CSMD1: variants seen among roughly 807,000 people sequenced by gnomAD.
CSMD1 encodes CUB and sushi domain-containing protein 1.
Under a neutral mutation model 417.5 loss-of-function variants are expected in CSMD1, and 213 were observed. The ratio of observed to expected loss-of-function variants is 0.51; its 90% confidence interval spans 0.46 to 0.57. The LOEUF (loss-of-function observed/expected upper bound fraction) is 0.57, where lower values mean the gene tolerates loss of function less well. CSMD1 is among the 20% of genes least tolerant of loss of function. CSMD1 has a pLI of 0.00. For synonymous variants in CSMD1, 2,862 were observed against 1,736.8 expected, an observed-to-expected ratio of 1.65 and a Z score of -16.11; for missense variants, 6,923 against 4,529.7, an observed-to-expected ratio of 1.53 and a Z score of -15.17.
chr8:3,504,378 G>C (rs184093845), intron 10 of CSMD1, among the ~76,000 whole-genome samples: 1 of 152,168 alleles, frequency 6.6e-6, no homozygotes, highest in Non-Finnish European at 1.5e-5. Context: ...TCCGTAAAAT[G>C]AGAATGATGC....
intron 3 of CSMD1, among the ~76,000 whole-genome samples, chr8:4,401,403 G>C (rs1804634825): frequency 6.6e-6 from 1 of 152,220 alleles, no homozygotes; most frequent in Middle Eastern, 3.4e-3. Flanking sequence ...AGTTGTTTAT[G>C]ACCACAACTA....
In CSMD1 at chr8:4,311,819, G is replaced by T. The variant is rs1239571833; in HGVS notation, c.415+108134C>A. 5.9e-5 allele frequency among the ~76,000 whole-genome samples: 9 copies of T among 152,066 alleles called. No homozygotes were observed. The East Asian group carries it at 1.7e-3, about 30-fold the overall frequency. On this transcript the variant is annotated intron_variant, in intron 3 of 69. Transcript: ENST00000635120. ...ACACACTAGGGCCTAGTGGATGGTG[G>T]AGAGTGCGAAGGAGAGGAGCGGAAA...
intron 3 of CSMD1, among the ~76,000 whole-genome samples, chr8:4,121,613 C>A (rs545645010): frequency 3.4e-5 from 4 of 117,366 alleles, no homozygotes; most frequent in East Asian, 2.2e-4. Context: ...TGCATAAACA[C>A]CTAGTTTAAA....
chr8:3,976,920 T>A (rs1813478176), intron 5 of CSMD1, among the ~76,000 whole-genome samples: 1 of 152,220 alleles, frequency 6.6e-6, no homozygotes, highest in Admixed American at 6.5e-5. Context: ...GTTAGCCATT[T>A]ACATAGTGTC....
At chr8:3,933,118 A>C (rs1015916499) in intron 5 of CSMD1, among the ~76,000 whole-genome samples, 3 of 140,886 alleles carry the variant, frequency 2.1e-5, no homozygotes, top group Admixed American at 2.1e-4. Context: ...TATCTGGTTT[A>C]TATATTTTGA....
chr8:3,946,015 C>T (rs1811198910), intron 5 of CSMD1, among the ~76,000 whole-genome samples: 1 of 152,118 alleles, frequency 6.6e-6, no homozygotes, highest in Non-Finnish European at 1.5e-5. Flanking sequence ...AAATTTTGCT[C>T]ATAACATTCT....
intron 5 of CSMD1, among the ~76,000 whole-genome samples, chr8:3,963,704 T>C (rs565119598): frequency 6.6e-6 from 1 of 152,328 alleles, no homozygotes; most frequent in South Asian, 2.1e-4. Flanking sequence ...GATTTCATCG[T>C]AGACAAACTG....
chr8:3,440,957 T>C (rs1054204948), intron 12 of CSMD1, among the ~76,000 whole-genome samples: 3 of 152,082 alleles, frequency 2.0e-5, no homozygotes, highest in Non-Finnish European at 4.4e-5. Context: ...ATTTGGAAAA[T>C]GGGTCTTTGC....
intron 3 of CSMD1, among the ~76,000 whole-genome samples, chr8:4,123,158 G>A (rs1035862054): frequency 7.9e-5 from 12 of 152,370 alleles, no homozygotes; most frequent in African/African-American, 2.9e-4. Context: ...GGCAGTCCAT[G>A]CTGAGATGTT....
At chr8:3,615,663 A>C (rs1212158499) in intron 8 of CSMD1, among the ~76,000 whole-genome samples, 6 of 152,186 alleles carry the variant, frequency 3.9e-5, no homozygotes, top group African/African-American at 1.4e-4. Context: ...ACTCCAATTT[A>C]ACTAAAAAAC....
At chr8:3,438,369 G>A (rs1328032221) in intron 12 of CSMD1, among the ~76,000 whole-genome samples, 1 of 152,086 alleles carries the variant, frequency 6.6e-6, no homozygotes, top group African/African-American at 2.4e-5. Flanking sequence ...TACAGAACAT[G>A]TCCAGCAACA....
intron 6 of CSMD1, among the ~76,000 whole-genome samples, chr8:3,724,735 A>G (rs998900399): frequency 6.6e-6 from 1 of 152,198 alleles, no homozygotes; most frequent in African/African-American, 2.4e-5. Context: ...TCTAAGTGAA[A>G]ATTAGTATTT....
At chr8:3,881,879 G>C (rs1345571745) in intron 5 of CSMD1, among the ~76,000 whole-genome samples, 3 of 152,032 alleles carry the variant, frequency 2.0e-5, no homozygotes, top group Admixed American at 6.5e-5. Context: ...TCCATAAATG[G>C]GGCTGGGTCA....
chr8:4,814,767 A>C (rs180875924), intron 1 of CSMD1, among the ~76,000 whole-genome samples: 110 of 152,250 alleles, frequency 7.2e-4, no homozygotes, highest in African/African-American at 2.5e-3. Context: ...TGATAAGGAA[A>C]TGTTCTAAAA....
intron 1 of CSMD1, among the ~76,000 whole-genome samples, chr8:4,736,914 T>G (rs936486116): frequency 1.3e-5 from 2 of 152,200 alleles, no homozygotes; most frequent in East Asian, 3.9e-4. Context: ...ATCATCATCC[T>G]CTTTGTAATA....
At chr8:4,662,287 G>T (rs972084041) in intron 1 of CSMD1, among the ~76,000 whole-genome samples, 2 of 151,612 alleles carry the variant, frequency 1.3e-5, no homozygotes, top group African/African-American at 2.4e-5. Context: ...CAAATAAGAG[G>T]TTTCTAAAAG....
At chr8:3,798,266 A>G (rs374262686) in intron 5 of CSMD1, among the ~76,000 whole-genome samples, 1 of 151,996 alleles carries the variant, frequency 6.6e-6, no homozygotes, top group African/African-American at 2.4e-5. Flanking sequence ...CTTTTTAATA[A>G]TATCTTATTT....
intron 2 of CSMD1, among the ~76,000 whole-genome samples, chr8:4,609,557 T>A (rs931913228): frequency 6.6e-6 from 1 of 152,190 alleles, no homozygotes; most frequent in Non-Finnish European, 1.5e-5. Context: ...ACACTTTATG[T>A]ACAAAAGTGA....
chr8:4,447,280 A>G (rs1177147612), intron 2 of CSMD1, among the ~76,000 whole-genome samples: 1 of 152,208 alleles, frequency 6.6e-6, no homozygotes. Flanking sequence ...AAAGCAAATC[A>G]AAGTCTGAGG....
Sources: gnomAD v4.1 joint callset for allele counts (sites outside exome capture counted in the v4.1 genomes callset) on GRCh38, gnomAD v4.1.1 for gene constraint, MANE v1.5 for transcripts, NCBI Gene and HGNC (gene_info 2026-07-23, HGNC 2026-07-21) for gene names.